CHRNG: variants seen among roughly 807,000 people sequenced by gnomAD.
CHRNG encodes cholinergic receptor nicotinic gamma subunit.
A neutral mutation model predicts 65.2 loss-of-function variants in CHRNG; 72 were observed. That is an observed-to-expected ratio of 1.10 (90% CI 0.91 to 1.34). The LOEUF is 1.34. CHRNG is among the 40% of genes most tolerant of loss of function. The pLI, the probability that CHRNG is intolerant of heterozygous loss-of-function variation, is 0.00. For synonymous variants in CHRNG, 284 were observed against 290.2 expected (o/e 0.98, Z 0.22); for missense variants, 637 against 680.1 (o/e 0.94, Z 0.70).
chr2:232,541,625 C>T lies in CHRNG; in HGVS notation c.506+96C>T. 6.9e-7 allele frequency: 1 copy of T among 1,451,450 alleles called. No individual in the cohort carries two copies. The highest frequency in any genetic ancestry group is 2.1e-4 in the Middle Eastern group (1 of 4,836). The allele number at this position is 1,451,450 out of a possible 1,614,324, so 89.9% of individuals were successfully genotyped here. ...CTGGGCAAGGCTTCTGGCCTTGGCT[C>T]TGGCAGCACCTAGAGGCCTGGCTCC... On this transcript the variant is annotated intron_variant, in intron 5 of 11. Coordinates refer to ENST00000651502, the MANE Select transcript of CHRNG (RefSeq NM_005199.5). The surrounding 1 kb of genome is among the most constrained non-coding windows in gnomAD (Gnocchi z 4.0).
rs1203083742 is a variant in CHRNG, at chr2:232,541,237, C to A, written c.351-137C>A. On this transcript the variant is annotated intron_variant, in intron 4 of 11. Transcript: ENST00000651502. This position sits in a 1 kb window ranked among gnomAD's most constrained non-coding sequence, Gnocchi z 4.0. ...GGGGACCTAGTGGTCCGGGTGGGAA[C>A]CAGTCAGGGGGTGACAGGCTGGTAG... The A allele has an allele frequency of 4.6e-6, 5 of 1,094,944 alleles. No homozygotes were observed. Among genetic ancestry groups the A allele is most frequent in the Non-Finnish European group, 6.9e-6 (5 of 727,354 alleles). The allele number at this position is 1,094,944 out of a possible 1,614,324, so 67.8% of individuals were successfully genotyped here.
rs1217532960 is a variant in CHRNG, at chr2:232,547,524, C to T, written c.*1808C>T. ...GAGGGGACCTTGGAAATATGCCCTC[C>T]CTCCAAGCACAGGATTGCTGTCTTT... On this transcript the variant is annotated 3_prime_UTR_variant, in exon 12 of 12. Transcript: ENST00000651502. Among the ~76,000 whole-genome samples, 1 of 152,212 alleles carries T rather than the reference C, an allele frequency of 6.6e-6. No homozygotes were observed. The highest frequency in any genetic ancestry group is 1.5e-5 in the Non-Finnish European group (1 of 68,040).
At chr2:232,543,197 G>A (rs961945316) in intron 7 of CHRNG, 78 bp from the exon 8 acceptor site, 130 of 1,519,808 alleles carry the variant, frequency 8.6e-5, no homozygotes, top group Non-Finnish European at 1.1e-4. Flanking sequence ...GAGGCAGCGG[G>A]CTACTTCTGG....
chr2:232,542,352 G>A, intron 5 of CHRNG, 71 bp from the exon 6 acceptor site: 1 of 992,822 alleles, frequency 1.0e-6, no homozygotes, highest in Non-Finnish European at 1.6e-6. Context: ...CTTGTCCCCA[G>A]AAGGTCATCC....
In CHRNG at chr2:232,540,145, CGGA is replaced by C. The variant is rs1559302543; in HGVS notation, c.195+20_195+22del. 1 of 1,614,138 alleles carries C rather than the reference CGGA, an allele frequency of 6.2e-7. No individual in the cohort carries two copies. The highest frequency in any genetic ancestry group is 2.2e-5 in the East Asian group (1 of 44,872). ...CTCATCTCCCTGGTAAGCCGCAGGA[CGGA>C]GGAGGGGTCAGCGCACCACGCCCTG... On this transcript the variant is annotated intron_variant, in intron 2 of 11. Coordinates refer to ENST00000651502, the MANE Select transcript of CHRNG (RefSeq NM_005199.5). This position sits in a 1 kb window ranked among gnomAD's most constrained non-coding sequence, Gnocchi z 4.2.
chr2:232,547,675 G>T lies in CHRNG; in HGVS notation c.*1959G>T. On this transcript the variant is annotated 3_prime_UTR_variant, in exon 12 of 12. Transcript: ENST00000651502. ...AGAACTAGAGGAGTTAGGGAGAGTG[G>T]GGGAGAACTTCAATCAGGGAGGGAA... Among the ~76,000 whole-genome samples, 1 of 152,172 alleles carries T rather than the reference G, an allele frequency of 6.6e-6. No individual in the cohort carries two copies. The highest frequency in any genetic ancestry group is 1.5e-5 in the Non-Finnish European group (1 of 68,030).
In CHRNG at chr2:232,541,515, C is replaced by T. The variant is rs1174500951; in HGVS notation, c.492C>T (p.Cys164=). The T allele has an allele frequency of 3.7e-6, 6 of 1,613,830 alleles. No individual in the cohort carries two copies. Among genetic ancestry groups the T allele is most frequent in the South Asian group, 1.1e-5 (1 of 91,084 alleles). The part of the protein sequence containing the change: ...VTYFPFDWQN[C]SLIFQSQTYS... ...ACTTCCCCTTCGACTGGCAGAACTG[C>T]TCCCTTATCTTCCAGTGAGGCCATT... The change falls in exon 5 of 12, where the codon TGC becomes TGT. Residue 164 remains cysteine, a synonymous_variant. Transcript: ENST00000651502. This position sits in a 1 kb window ranked among gnomAD's most constrained non-coding sequence, Gnocchi z 4.0.
rs1429498139 is a variant in CHRNG at position 232,547,130 on chromosome 2, G to C, written c.*1414G>C. ...GCAAAAAATAATCCATTCCTGGCCA[G>C]GTGTGGTGGCTCACACCTGCAATCC... is the stretch of plus-strand genomic sequence containing the variant. On this transcript the variant is annotated 3_prime_UTR_variant, in exon 12 of 12. Coordinates refer to ENST00000651502, the MANE Select transcript of CHRNG (RefSeq NM_005199.5). Among the ~76,000 whole-genome samples the C allele has an allele frequency of 3.9e-5, 6 of 152,302 alleles. No homozygotes were observed. The East Asian group carries it at 1.2e-3, about 29-fold the overall frequency.
At position 232,541,799 on chromosome 2, in the gene CHRNG, G is replaced by A. The variant is rs998788494; in HGVS notation, c.506+270G>A. 39 of 555,490 alleles carry A rather than the reference G, an allele frequency of 7.0e-5. No individual in the cohort carries two copies. Among genetic ancestry groups the A allele is most frequent in the African/African-American group, 4.2e-4 (22 of 52,864 alleles). 34.4% of individuals were successfully genotyped at this position (555,490 alleles called of 1,614,324 possible). A position where few individuals can be genotyped will look rare whatever the true frequency, so the allele number is the denominator to read the frequency against. On this transcript the variant is annotated intron_variant, in intron 5 of 11. Transcript: ENST00000651502. This position sits in a 1 kb window ranked among gnomAD's most constrained non-coding sequence, Gnocchi z 4.0. ...GGGGAGACATTCACGCCTGGGGTGC[G>A]TGGGTGAGAAGGCACACATGCACAC... is the stretch of plus-strand genomic sequence containing the variant.
At position 232,548,062 on chromosome 2, in the gene CHRNG, C is replaced by G; in HGVS notation, c.*2346C>G. The G allele has an allele frequency of 1.7e-6, 1 of 586,058 alleles. No individual in the cohort carries two copies. Among genetic ancestry groups the G allele is most frequent in the Non-Finnish European group, 3.0e-6 (1 of 336,272 alleles). 36.3% of individuals were successfully genotyped at this position (586,058 alleles called of 1,614,324 possible). A position where few individuals can be genotyped will look rare whatever the true frequency, so the allele number is the denominator to read the frequency against. ...TAGCATTGTCTAATAAAACAATATA[C>G]ATACCTAAATTTAAAAATACTTTAT... On this transcript the variant is annotated 3_prime_UTR_variant, in exon 12 of 12. Transcript: ENST00000651502.
chr2:232,544,974 G>C, intron 11 of CHRNG, 72 bp downstream of exon 11: 1 of 1,600,166 alleles, frequency 6.2e-7, no homozygotes, highest in Non-Finnish European at 8.5e-7. Context: ...GACAGGATGA[G>C]TGGGGTTGCC....
chr2:232,545,016 G>A lies in CHRNG; in HGVS notation c.1380+114G>A, dbSNP rs1371674684. On this transcript the variant is annotated intron_variant, in intron 11 of 11. Transcript: ENST00000651502. The stretch of plus-strand genomic sequence containing the variant: ...GGGCAGTGGGATGGAAAAACATGAG[G>A]CCGGGTGCAGTGGGTCACACCTGTA... 4 of 1,362,540 alleles carry A rather than the reference G, an allele frequency of 2.9e-6. No individual in the cohort carries two copies. In the African/African-American group the frequency reaches 4.3e-5, roughly 15 times the overall value. 84.4% of individuals were successfully genotyped at this position (1,362,540 alleles called of 1,614,324 possible).
intron 6 of CHRNG, 59 bp from the exon 7 acceptor site, chr2:232,542,823 C>T (rs1692044829): frequency 4.0e-6 from 6 of 1,483,618 alleles, no homozygotes; most frequent in Non-Finnish European, 5.6e-6. Flanking sequence ...CACTCGGCTG[C>T]AGGGATCTGC....
At chr2:232,545,322 A>G (rs1469491900) in intron 11 of CHRNG, among the ~76,000 whole-genome samples, 2 of 150,478 alleles carry the variant, frequency 1.3e-5, no homozygotes, top group Admixed American at 6.7e-5. Context: ...CCGTCTCAAA[A>G]AAAAAAAAAA....
chr2:232,543,277 G>A lies in CHRNG; in HGVS notation c.808G>A (p.Gly270Arg). 6.2e-7 allele frequency: 1 copy of A among 1,613,130 alleles called. No individual in the cohort carries two copies. The highest frequency in any genetic ancestry group is 8.5e-7 in the Non-Finnish European group (1 of 1,179,180). The part of the protein sequence containing the change: ...ILIHFLPAKA[G>R]GQKCTVAINV... ...GAGAGCCTCTCGGTCATGGATAGCT[G>A]GGGGCCAGAAGTGTACCGTCGCCAT... The change falls in exon 8 of 12, where the codon GGG becomes AGG. Residue 270 changes from glycine (G) to arginine (R), a missense_variant and splice_region_variant. By Grantham distance (125) the Gly-to-Arg change is moderately radical. Coordinates refer to ENST00000651502, the MANE Select transcript of CHRNG (RefSeq NM_005199.5).
chr2:232,545,595 T>C lies in CHRNG; in HGVS notation c.1433T>C (p.Leu478Pro), dbSNP rs1361979424. 12 of 1,614,132 alleles carry C rather than the reference T, an allele frequency of 7.4e-6. No individual in the cohort carries two copies. Among genetic ancestry groups the C allele is most frequent in the Non-Finnish European group, 8.5e-6 (10 of 1,180,024 alleles). Residue 478 changes from leucine (L) to proline (P), a missense_variant, in exon 12 of 12, where the codon CTG (leucine) becomes CCG (proline). Physicochemically the swap from Leu to Pro is moderately conservative, Grantham distance 98 (BLOSUM62 -3). Transcript: ENST00000651502. ...VGRVLDRVCFLAMLSLFICGT... is the reference protein window; with the variant it reads ...VGRVLDRVCFPAMLSLFICGT... Reference sequence around the variant, plus strand: ...CGAGTGCTGGACCGCGTCTGCTTCCTGGCCATGCTCTCGCTCTTCATCTGT... The same window carrying C: ...CGAGTGCTGGACCGCGTCTGCTTCCCGGCCATGCTCTCGCTCTTCATCTGT...
At position 232,543,708 on chromosome 2, in the gene CHRNG, C is replaced by T. The variant is rs1692066993; in HGVS notation, c.1035+9C>T. The stretch of plus-strand genomic sequence containing the variant: ...CCCGAGGGGTCCGCAAGGCAAGGAC[C>T]CTCCCTGCCCACTTCAACATCCCGC... On this transcript the variant is annotated intron_variant, in intron 9 of 11. Transcript: ENST00000651502. 6.6e-7 allele frequency: 1 copy of T among 1,526,236 alleles called. No homozygotes were observed. Among genetic ancestry groups the T allele is most frequent in the Non-Finnish European group, 9.1e-7 (1 of 1,100,226 alleles). 94.5% of individuals were successfully genotyped at this position (1,526,236 alleles called of 1,614,324 possible).
chr2:232,540,720 G>C lies in CHRNG; in HGVS notation c.350+9G>C, dbSNP rs773551560. The C allele has an allele frequency of 2.5e-5, 40 of 1,608,198 alleles. 1 individual carries two copies. The highest frequency in any genetic ancestry group is 3.1e-5 in the Non-Finnish European group (36 of 1,178,140). ...ATCGTGCTGGAGAACAAGTGAGGAGGGGGTGCAGGCAGGGGTGTGGGGGAC... is the reference window on the plus strand; with the variant it reads ...ATCGTGCTGGAGAACAAGTGAGGAGCGGGTGCAGGCAGGGGTGTGGGGGAC... On this transcript the variant is annotated intron_variant, in intron 4 of 11. Transcript: ENST00000651502. This position sits in a 1 kb window ranked among gnomAD's most constrained non-coding sequence, Gnocchi z 4.2.
At chr2:232,544,344 T>C (rs780982433) in intron 9 of CHRNG, 23 bp from the exon 10 acceptor site, 2 of 1,594,452 alleles carry the variant, frequency 1.3e-6, no homozygotes, top group Admixed American at 1.7e-5. Flanking sequence ...CCTGCTGCCC[T>C]AGTGAAGCCA....
Sources: allele counts gnomAD v4.1 joint callset (sites outside exome capture counted in the v4.1 genomes callset), GRCh38; gene constraint gnomAD v4.1.1; non-coding constraint Gnocchi (gnomAD v3.1); transcripts MANE v1.5; gene names NCBI Gene and HGNC (gene_info 2026-07-23, HGNC 2026-07-21).